The following ADCY2 variants were observed in gnomAD, a reference collection of about 807,000 sequenced individuals.
ADCY2 encodes adenylate cyclase 2.
Under a neutral mutation model 125.2 loss-of-function variants are expected in ADCY2, and 31 were observed. The ratio of observed to expected loss-of-function variants is 0.25; its 90% CI spans 0.19 to 0.33. The LOEUF is 0.33. ADCY2 is among the 10% of genes least tolerant of loss of function. The pLI is 1.00. For missense variants in ADCY2, 904 were observed against 1,418.2 expected (o/e 0.64, Z 5.82); for synonymous variants, 512 against 548.4 (o/e 0.93, Z 0.93).
intron 5 of ADCY2, among the ~76,000 whole-genome samples, chr5:7,693,413 G>GTTTTGTTTTTTTTT (rs1740779550): frequency 9.3e-5 from 3 of 32,412 alleles, no homozygotes; most frequent in African/African-American, 2.0e-4. Flanking sequence ...GCTGTTTTTT[G>GTTTTGTTTTTTTTT]TTTTTTTTTT....
At chr5:7,717,075 A>G (rs1741613938) in intron 11 of ADCY2, 82 bp from the exon 12 acceptor site, 1 of 847,004 alleles carries the variant, frequency 1.2e-6, no homozygotes, top group African/African-American at 1.7e-5. Flanking sequence ...AGGATGTAAA[A>G]TATTATGTAT....
intron 2 of ADCY2, among the ~76,000 whole-genome samples, chr5:7,504,981 G>A (rs1350214884): frequency 1.3e-5 from 2 of 151,976 alleles, no homozygotes; most frequent in Admixed American, 1.3e-4. Flanking sequence ...AGGCACAAGT[G>A]ATCCTCCCAC....
At chr5:7,765,302 T>A (rs577784692) in intron 16 of ADCY2, among the ~76,000 whole-genome samples, 1 of 150,942 alleles carries the variant, frequency 6.6e-6, no homozygotes, top group Non-Finnish European at 1.5e-5. Flanking sequence ...TCAATTGAAT[T>A]TTTGGTCTAT....
chr5:7,581,658 A>T (rs1271193739), intron 3 of ADCY2, among the ~76,000 whole-genome samples: 1 of 109,704 alleles, frequency 9.1e-6, no homozygotes, highest in African/African-American at 2.9e-5. Context: ...TCTCTACTAA[A>T]AATACAAAAA....
intron 3 of ADCY2, among the ~76,000 whole-genome samples, chr5:7,530,825 C>T (rs967260307): frequency 2.0e-5 from 3 of 152,078 alleles, no homozygotes; most frequent in East Asian, 1.9e-4. Flanking sequence ...CTCATCTCCA[C>T]GTATTTACAC....
chr5:7,401,476 T>G (rs1739262096), intron 1 of ADCY2, among the ~76,000 whole-genome samples: 1 of 152,228 alleles, frequency 6.6e-6, no homozygotes, highest in Non-Finnish European at 1.5e-5. Flanking sequence ...TTGTTGAAAT[T>G]TCTTACTGAT....
intron 2 of ADCY2, among the ~76,000 whole-genome samples, chr5:7,457,565 C>T (rs944601730): frequency 4.6e-5 from 7 of 152,146 alleles, no homozygotes; most frequent in Admixed American, 1.3e-4. Flanking sequence ...CAGCATCAAG[C>T]GGTGGTGGGA....
At chr5:7,654,741 A>G (rs955931765) in intron 4 of ADCY2, among the ~76,000 whole-genome samples, 3 of 152,134 alleles carry the variant, frequency 2.0e-5, no homozygotes, top group African/African-American at 7.2e-5. Context: ...GGAAAACGGG[A>G]GCAGTTAATA....
intron 3 of ADCY2, among the ~76,000 whole-genome samples, chr5:7,615,114 A>G (rs531251554): frequency 2.1e-4 from 32 of 152,312 alleles, no homozygotes; most frequent in Admixed American, 6.5e-4. Context: ...GTAAACAGCC[A>G]GATCTCATGA....
intron 17 of ADCY2, among the ~76,000 whole-genome samples, chr5:7,770,455 T>A (rs1222818840): frequency 6.6e-6 from 1 of 152,232 alleles, no homozygotes; most frequent in East Asian, 1.9e-4. Context: ...AAGCATAATT[T>A]TAGAAACAGA....
At chr5:7,745,731 C>G (rs950249440) in intron 15 of ADCY2, among the ~76,000 whole-genome samples, 3 of 152,172 alleles carry the variant, frequency 2.0e-5, no homozygotes, top group African/African-American at 7.2e-5. Flanking sequence ...AAATCCCAAC[C>G]TAGTTCTAAT....
chr5:7,722,923 G>A (rs966324558), intron 12 of ADCY2, among the ~76,000 whole-genome samples: 2 of 126,754 alleles, frequency 1.6e-5, no homozygotes, highest in Non-Finnish European at 3.1e-5. Context: ...TCACACCACT[G>A]CACTCCAGCC....
intron 1 of ADCY2, among the ~76,000 whole-genome samples, chr5:7,409,711 T>C (rs1385063766): frequency 6.6e-6 from 1 of 152,230 alleles, no homozygotes; most frequent in Non-Finnish European, 1.5e-5. Flanking sequence ...TCCTTTAACA[T>C]CTTTTCTTGT....
At chr5:7,625,007 A>G (rs1738075007) in intron 3 of ADCY2, among the ~76,000 whole-genome samples, 1 of 152,216 alleles carries the variant, frequency 6.6e-6, no homozygotes, top group South Asian at 2.1e-4. Flanking sequence ...ATTGTCATAC[A>G]CTGTTGATGA....
chr5:7,628,161 A>G (rs977506277), intron 4 of ADCY2, among the ~76,000 whole-genome samples: 1 of 152,170 alleles, frequency 6.6e-6, no homozygotes, highest in South Asian at 2.1e-4. Context: ...GCTGTAGTGC[A>G]TGCTACAGGG....
chr5:7,630,708 CT>C (rs1738284175), intron 4 of ADCY2, among the ~76,000 whole-genome samples: 1 of 151,864 alleles, frequency 6.6e-6, no homozygotes, highest in African/African-American at 2.4e-5. Flanking sequence ...TCTTTGGCTC[CT>C]AGATCCTAGA....
chr5:7,555,828 C>A (rs1165673887), intron 3 of ADCY2, among the ~76,000 whole-genome samples: 3 of 150,232 alleles, frequency 2.0e-5, no homozygotes, highest in Non-Finnish European at 1.5e-5. Flanking sequence ...TCAGTGATCT[C>A]CCTTCTTTTA....
chr5:7,717,125 TC>T (rs1741615436), intron 11 of ADCY2, 31 bp from the exon 12 acceptor site: 2 of 1,432,974 alleles, frequency 1.4e-6, no homozygotes, highest in Non-Finnish European at 2.0e-6. Flanking sequence ...ACTAATAATA[TC>T]CTTACCCATA....
intron 3 of ADCY2, among the ~76,000 whole-genome samples, chr5:7,556,828 C>T (rs1735521877): frequency 6.6e-6 from 1 of 152,038 alleles, no homozygotes; most frequent in South Asian, 2.1e-4. Context: ...TAATCCAATA[C>T]CTGATATTCT....
Sources: allele counts gnomAD v4.1 joint callset (sites outside exome capture counted in the v4.1 genomes callset), GRCh38; gene constraint gnomAD v4.1.1; transcripts MANE v1.5; gene names NCBI Gene and HGNC (gene_info 2026-07-23, HGNC 2026-07-21).